Variants in MID1 observed in about 807,000 individuals in gnomAD.
The protein encoded by MID1 is midline 1.
MID1 carries 7 observed loss-of-function variants against 40.4 expected under a neutral mutation model. The observed-to-expected ratio is 0.17, with a 90% CI of 0.10 to 0.33. The LOEUF is 0.33. Ranked by LOEUF, MID1 falls within the 10% of genes least tolerant of loss-of-function variation. The probability of loss-of-function intolerance (pLI) is 1.00; values close to 1 mark genes in which losing one functional copy is unlikely to be tolerated. For synonymous variants in MID1, 229 were observed against 221.2 expected (o/e 1.04, Z -0.31); for missense variants, 367 against 558.5 (o/e 0.66, Z 3.46).
chrX:10,817,961 T>C (rs2044151247), intron 1 of MID1, among the ~76,000 whole-genome samples: 1 of 112,036 alleles, frequency 8.9e-6, no homozygotes, highest in East Asian at 2.8e-4. Context: ...TCCTTGAGAA[T>C]GACAAGAAGA....
At chrX:10,465,959 C>T (rs191759459) in intron 7 of MID1, among the ~76,000 whole-genome samples, 2 of 112,218 alleles carry the variant, frequency 1.8e-5, no homozygotes, top group African/African-American at 3.2e-5. Flanking sequence ...CTGAATCAGA[C>T]GAAAATGATT....
intron 7 of MID1, among the ~76,000 whole-genome samples, chrX:10,468,831 C>T (rs1929530755): frequency 8.9e-6 from 1 of 112,022 alleles, no homozygotes; most frequent in African/African-American, 3.2e-5. Flanking sequence ...GTGATGGGCC[C>T]AGCTCTCTCC....
intron 1 of MID1, among the ~76,000 whole-genome samples, chrX:10,767,554 C>T (rs60044316): frequency 0.087 from 9,666 of 111,168 alleles, 718 homozygotes; most frequent in African/African-American, 0.24. Context: ...CTCGTGACCT[C>T]GTGATCCACC....
At chrX:10,637,623 TAA>T (rs1235106806) in intron 1 of MID1, among the ~76,000 whole-genome samples, 21 of 94,560 alleles carry the variant, frequency 2.2e-4, no homozygotes, top group Admixed American at 2.3e-4. Context: ...AGACTCCATC[TAA>T]AAAAAAAAAA....
chrX:10,642,684 A>G (rs1936214195), intron 1 of MID1, among the ~76,000 whole-genome samples: 1 of 110,715 alleles, frequency 9.0e-6, no homozygotes. Flanking sequence ...ATATGGAACC[A>G]AAAATGAGCC....
chrX:10,816,078 T>C (rs1316157338), intron 1 of MID1, among the ~76,000 whole-genome samples: 2 of 112,236 alleles, frequency 1.8e-5, no homozygotes, highest in Non-Finnish European at 3.8e-5. Context: ...AATCTGCTTC[T>C]TTCCTAGCTC....
At position 10,765,842 on chromosome X, in the gene MID1, G is replaced by A. The variant is rs189097664; in HGVS notation, c.-187+67712C>T. Among the ~76,000 whole-genome samples, 348 of 107,654 alleles carry A rather than the reference G, an allele frequency of 3.2e-3. 3 individuals carry two copies. Among genetic ancestry groups the A allele is most frequent in the African/African-American group, 0.011 (316 of 29,394 alleles). 93.5% of individuals were successfully genotyped at this position (107,654 alleles called of 115,157 possible). ...GACACAAAACTCTTTCATCTAGGAA[G>A]TATGCTGTCTAATATCATGGATGCT... is the stretch of plus-strand genomic sequence containing the variant. On this transcript the variant is annotated intron_variant, in intron 1 of 10. Transcript: ENST00000380785.
At position 10,512,002 on chromosome X, in the gene MID1, G is replaced by A. The variant is rs142169441; in HGVS notation, c.756+11090C>T. On this transcript the variant is annotated intron_variant, in intron 3 of 9. Transcript: ENST00000317552. ...AAAGTTTTGGATTTTAGAGCATTTC[G>A]GATTTTGGATTTTCAAATTAGGGTG... Among the ~76,000 whole-genome samples, 954 of 112,116 alleles carry A rather than the reference G, an allele frequency of 8.5e-3. 10 individuals carry two copies. Among genetic ancestry groups the A allele is most frequent in the African/African-American group, 0.028 (878 of 30,880 alleles).
At chrX:10,740,509 C>A (rs1350027698) in intron 1 of MID1, among the ~76,000 whole-genome samples, 1 of 111,933 alleles carries the variant, frequency 8.9e-6, no homozygotes, top group African/African-American at 3.2e-5. Flanking sequence ...AGTTACAGAG[C>A]CTAATGAAAA....
chrX:10,692,351 A>G (rs1227908657), intron 1 of MID1, among the ~76,000 whole-genome samples: 1 of 111,468 alleles, frequency 9.0e-6, no homozygotes, highest in African/African-American at 3.3e-5. Flanking sequence ...CAGACCAGCC[A>G]ACACTTAGGG....
intron 1 of MID1, among the ~76,000 whole-genome samples, chrX:10,772,517 T>C (rs774401706): frequency 1.8e-5 from 2 of 109,586 alleles, no homozygotes; most frequent in South Asian, 7.9e-4. Context: ...CTTGAGAACT[T>C]ACTCATGTAA....
chrX:10,607,898 C>T (rs772212759), intron 1 of MID1, among the ~76,000 whole-genome samples: 4 of 112,264 alleles, frequency 3.6e-5, no homozygotes, highest in Non-Finnish European at 7.5e-5. Context: ...TAAGGTTCAA[C>T]AAAAAAGGCA....
intron 1 of MID1, among the ~76,000 whole-genome samples, chrX:10,712,267 A>AATAG: frequency 9.0e-6 from 1 of 110,967 alleles, no homozygotes; most frequent in Non-Finnish European, 1.9e-5. Context: ...GGAGCCTCCC[A>AATAG]ATAGATAGAA....
rs769793978 is a variant in MID1 at position 10,586,391 on chromosome X, C to T, written c.-56-18788G>A. On this transcript the variant is annotated intron_variant, in intron 1 of 9. Transcript: ENST00000317552. ...TTCAGAGTCACTTTGCAAGGGTTGG[C>T]GAAGCTGCTCCCATCCACGTACAGC... Among the ~76,000 whole-genome samples the T allele has an allele frequency of 1.2e-4, 13 of 111,273 alleles. No individual in the cohort carries two copies. The South Asian group carries it at 1.6e-3, about 13-fold the overall frequency.
chrX:10,639,172 T>A (rs1392305666), intron 1 of MID1, among the ~76,000 whole-genome samples: 1 of 112,095 alleles, frequency 8.9e-6, no homozygotes, highest in African/African-American at 3.2e-5. Flanking sequence ...TTTGACGAGT[T>A]GAGAGAAGAA....
chrX:10,602,703 T>C (rs1459617719), intron 1 of MID1, among the ~76,000 whole-genome samples: 1 of 112,494 alleles, frequency 8.9e-6, no homozygotes, highest in Non-Finnish European at 1.9e-5. Flanking sequence ...TTATACAATA[T>C]CTTCTGGGTT....
intron 2 of MID1, among the ~76,000 whole-genome samples, chrX:10,536,904 C>T (rs1386051668): frequency 1.8e-5 from 2 of 111,684 alleles, no homozygotes; most frequent in African/African-American, 6.5e-5. Flanking sequence ...TCCCGAGTTC[C>T]TTCAGTCTCT....
intron 6 of MID1, among the ~76,000 whole-genome samples, chrX:10,471,317 G>A (rs1277611824): frequency 3.6e-5 from 4 of 112,285 alleles, no homozygotes; most frequent in South Asian, 7.4e-4. Flanking sequence ...TAAACTCTGC[G>A]TTAGTAGTCT....
intron 1 of MID1, among the ~76,000 whole-genome samples, chrX:10,658,023 A>C (rs747924280): frequency 9.0e-6 from 1 of 111,713 alleles, no homozygotes; most frequent in African/African-American, 3.2e-5. Flanking sequence ...TTTACACTCC[A>C]TCTTTTGAGA....
Sources: allele counts gnomAD v4.1 joint callset (sites outside exome capture counted in the v4.1 genomes callset), GRCh38; gene constraint gnomAD v4.1.1; transcripts MANE v1.5; gene names NCBI Gene and HGNC (gene_info 2026-07-23, HGNC 2026-07-21).